NUP155: variants seen among roughly 807,000 people sequenced by gnomAD.
NUP155 encodes the protein nucleoporin 155.
In NUP155, 71 loss-of-function variants were observed where a neutral mutation model predicts 180.4. The observed-to-expected ratio is 0.39, with a 90% CI of 0.33 to 0.48. The LOEUF is 0.48. Among genes scored for constraint, NUP155 ranks in the 20% least tolerant of loss-of-function variants. The pLI, the probability that NUP155 is intolerant of heterozygous loss-of-function variation, is 0.91. For synonymous variants in NUP155, 582 were observed against 559.5 expected (o/e 1.04, Z -0.57); for missense variants, 1,553 against 1,648.9 (o/e 0.94, Z 1.01).
At chr5:37,366,740 C>G (rs1317956088) in intron 1 of NUP155, among the ~76,000 whole-genome samples, 1 of 151,706 alleles carries the variant, frequency 6.6e-6, no homozygotes, top group African/African-American at 2.4e-5. Context: ...CAAGCTCCAC[C>G]ACCTGGGTTC....
intron 27 of NUP155, among the ~76,000 whole-genome samples, chr5:37,303,734 T>A (rs1012183689): frequency 3.3e-5 from 5 of 152,066 alleles, no homozygotes; most frequent in Admixed American, 2.6e-4. Flanking sequence ...TCATGTGAGC[T>A]CAGGAGTTTG....
chr5:37,323,386 G>A (rs1261499188), intron 20 of NUP155, among the ~76,000 whole-genome samples: 3 of 152,028 alleles, frequency 2.0e-5, no homozygotes, highest in South Asian at 4.1e-4. Context: ...GATAAACTGA[G>A]AAATGAGACA....
Position 37,370,991 on chromosome 5 carries a change from G to C in NUP155, c.-14C>G. 1 of 1,613,150 alleles carries C rather than the reference G, an allele frequency of 6.2e-7. No individual in the cohort carries two copies. The highest frequency in any genetic ancestry group is 1.3e-5 in the African/African-American group (1 of 75,056). ...AGAAGACGGCATCTCGGAAATCGTA[G>C]ACACCAGGGTCCAGAAAAAGTCAAA... On this transcript the variant is annotated 5_prime_UTR_variant, in exon 1 of 35. Transcript: ENST00000231498.
Position 37,348,577 on chromosome 5 carries a change from T to C in NUP155, c.923A>G (p.Asp308Gly), listed in dbSNP as rs2111565448. ...GVIQVYDLGQ[D>G]GQGMSRVASV... ...GGCAACTCTGCTCATTCCTTGTCCA[T>C]CTTGTCCCAAATCATACACCTGTGA... The change falls in exon 9 of 35, where the codon GAT becomes GGT. Residue 308 changes from aspartate to glycine, a missense_variant. Transcript: ENST00000231498. The C allele has an allele frequency of 6.2e-7, 1 of 1,609,666 alleles. No individual in the cohort carries two copies. Among genetic ancestry groups the C allele is most frequent in the Non-Finnish European group, 8.5e-7 (1 of 1,175,886 alleles).
At chr5:37,370,618 T>G (rs538000602) in intron 1 of NUP155, 1 of 1,467,424 alleles carries the variant, frequency 6.8e-7, no homozygotes, top group South Asian at 1.4e-5. Flanking sequence ...CTCTTCACTC[T>G]TGCCCTCTCA....
intron 20 of NUP155, among the ~76,000 whole-genome samples, chr5:37,319,812 G>A (rs913714331): frequency 5.9e-5 from 9 of 152,212 alleles, no homozygotes; most frequent in East Asian, 1.9e-4. Context: ...TCAAAGTTGC[G>A]GTGAGCCGTG....
intron 18 of NUP155, among the ~76,000 whole-genome samples, chr5:37,326,257 A>G (rs1437506056): frequency 6.6e-6 from 1 of 152,230 alleles, no homozygotes; most frequent in Non-Finnish European, 1.5e-5. Flanking sequence ...CATACTTTTA[A>G]GCAAATGAGA....
Position 37,341,242 on chromosome 5 carries a change from C to G in NUP155, c.1094G>C (p.Gly365Ala), listed in dbSNP as rs760298247. ...DCQLLAVTHA[G>A]VRLYFSTCPF... ...ACAAGTGCTAAAATATAACCTAACA[C>G]CTGAAGATGGGGTAAAATTATGCAT... The change falls in exon 11 of 35, where the codon GGT becomes GCT. Residue 365 changes from glycine (G) to alanine (A), a missense_variant and splice_region_variant. Physicochemically the swap from Gly to Ala is moderately conservative, Grantham distance 60 (BLOSUM62 0). Transcript: ENST00000231498. 18 of 1,613,716 alleles carry G rather than the reference C, an allele frequency of 1.1e-5. No homozygotes were observed. In the Middle Eastern group the frequency reaches 1.3e-3, roughly 118 times the overall value.
intron 34 of NUP155, 95 bp from the exon 35 acceptor site, chr5:37,292,133 A>G (rs368349583): frequency 8.4e-7 from 1 of 1,192,894 alleles, no homozygotes. Flanking sequence ...TTTAATTCTC[A>G]CAGGAGAGGA....
chr5:37,310,726 C>T lies in NUP155; in HGVS notation c.2454G>A (p.Leu818=). 6.2e-7 allele frequency: 1 copy of T among 1,613,566 alleles called. No individual in the cohort carries two copies. Among genetic ancestry groups the T allele is most frequent in the East Asian group, 2.2e-5 (1 of 44,816 alleles). The change falls in exon 23 of 35, where the codon CTG becomes CTA. Residue 818 remains leucine (L), a synonymous_variant. Coordinates refer to ENST00000231498, the MANE Select transcript of NUP155 (RefSeq NM_153485.3). ...CAAGATCTTTAAAGGTGGTGATCTT[C>T]AGCTGCTCTTGAAGTTCCTAGGAGC... The part of the protein sequence containing the change: ...AELQKELQEQ[L]KITTFKDLVI...
Position 37,363,946 on chromosome 5 carries a change from T to C in NUP155, c.334A>G (p.Ile112Val), listed in dbSNP as rs748875971. ...TCAATTGTGAGCCAAGCTCTGCTGA[T>C]AGGAGGGAACACACCCATCATGCAA... ...CNCMMGVFPPISRAWLTIDSD... is the reference protein window; with the variant it reads ...CNCMMGVFPPVSRAWLTIDSD... The change falls in exon 3 of 35, where the codon ATC (isoleucine) becomes GTC (valine). Residue 112 changes from isoleucine (I) to valine (V), a missense_variant. Coordinates refer to ENST00000231498, the MANE Select transcript of NUP155 (RefSeq NM_153485.3). 2 of 1,613,790 alleles carry C rather than the reference T, an allele frequency of 1.2e-6. No homozygotes were observed. The highest frequency in any genetic ancestry group is 2.2e-5 in the East Asian group (1 of 44,874).
rs749708102 is a variant in NUP155 at position 37,292,030 on chromosome 5, A to T, written c.4046T>A (p.Phe1349Tyr). ...AACAGCATCCAGGCAGAGATTTGTA[A>T]ATCTTCTCCTACAACGAAAAAGACA... ...SQVLNCERRR[F>Y]TNLCLDAVCG... The change falls in exon 35 of 35, where the codon TTT (phenylalanine) becomes TAT (tyrosine). Residue 1349 changes from phenylalanine (F) to tyrosine (Y), a missense_variant. Coordinates refer to ENST00000231498, the MANE Select transcript of NUP155 (RefSeq NM_153485.3). The T allele has an allele frequency of 1.2e-6, 2 of 1,614,134 alleles. No individual in the cohort carries two copies. The highest frequency in any genetic ancestry group is 2.7e-5 in the African/African-American group (2 of 75,040).
chr5:37,351,232 G>T lies in NUP155; in HGVS notation c.681C>A (p.Phe227Leu). ...ATAAACAGCCATCCTTTCCAGCCAAGAAAATTCTGCCATTATCAGTGGAAG... is the reference window on the plus strand; with the variant it reads ...ATAAACAGCCATCCTTTCCAGCCAATAAAATTCTGCCATTATCAGTGGAAG... ...TITSTDNGRI[F>L]LAGKDGCLYE... Residue 227 changes from phenylalanine to leucine, a missense_variant, in exon 6 of 35, where the codon TTC (phenylalanine) becomes TTA (leucine). By Grantham distance (22) the Phe-to-Leu change is conservative. Transcript: ENST00000231498. 1 of 1,613,734 alleles carries T rather than the reference G, an allele frequency of 6.2e-7. No homozygotes were observed. The highest frequency in any genetic ancestry group is 1.7e-5 in the Admixed American group (1 of 59,978).
chr5:37,309,913 T>TG lies in NUP155; in HGVS notation c.2628+638dup, dbSNP rs1743417653. On this transcript the variant is annotated intron_variant, in intron 23 of 34. Coordinates refer to ENST00000231498, the MANE Select transcript of NUP155 (RefSeq NM_153485.3). The stretch of plus-strand genomic sequence containing the variant: ...AATATAAAAAATTAGCCAGGTGTGA[T>TG]GGTGCACACCTGTAATCCCAGCTAT... Among the ~76,000 whole-genome samples, 5 of 151,922 alleles carry TG rather than the reference T, an allele frequency of 3.3e-5. No homozygotes were observed. The South Asian group carries it at 1.0e-3, about 32-fold the overall frequency.
At chr5:37,366,900 T>TTA (rs1003152405) in intron 1 of NUP155, among the ~76,000 whole-genome samples, 2 of 152,110 alleles carry the variant, frequency 1.3e-5, no homozygotes, top group Admixed American at 1.3e-4. Context: ...TCTGCCCGCT[T>TTA]CGGCCTCCCA....
chr5:37,294,252 C>A (rs1329143208), intron 33 of NUP155, 77 bp downstream of exon 33: 13 of 1,033,844 alleles, frequency 1.3e-5, no homozygotes, highest in South Asian at 4.4e-5. Context: ...AAAATGCAAT[C>A]AAAATACCCC....
chr5:37,345,728 C>T (rs1282761253), intron 9 of NUP155, among the ~76,000 whole-genome samples: 1 of 151,592 alleles, frequency 6.6e-6, no homozygotes, highest in Admixed American at 6.6e-5. Flanking sequence ...CATGGTGAAA[C>T]CCTGTCTCTA....
intron 9 of NUP155, among the ~76,000 whole-genome samples, chr5:37,344,089 T>C (rs1379028571): frequency 6.6e-6 from 1 of 151,868 alleles, no homozygotes; most frequent in Non-Finnish European, 1.5e-5. Flanking sequence ...CCTCAAATCC[T>C]AGCATTTTGA....
At position 37,291,838 on chromosome 5, in the gene NUP155, T is replaced by C; in HGVS notation, c.*62A>G. The stretch of plus-strand genomic sequence containing the variant: ...ATTCTTAGATTTAGAACACCTGATA[T>C]CTGGACCCAGCTGAGTTTTTATTTT... On this transcript the variant is annotated 3_prime_UTR_variant, in exon 35 of 35. Coordinates refer to ENST00000231498, the MANE Select transcript of NUP155 (RefSeq NM_153485.3). 1.3e-6 allele frequency: 2 copies of C among 1,493,094 alleles called. No homozygotes were observed. Among genetic ancestry groups the C allele is most frequent in the Non-Finnish European group, 1.9e-6 (2 of 1,070,988 alleles). The allele number at this position is 1,493,094 out of a possible 1,614,324, so 92.5% of individuals were successfully genotyped here.
Sources: allele counts gnomAD v4.1 joint callset (sites outside exome capture counted in the v4.1 genomes callset), GRCh38; gene constraint gnomAD v4.1.1; transcripts MANE v1.5; gene names NCBI Gene and HGNC (gene_info 2026-07-23, HGNC 2026-07-21).